Variants in ARHGAP39 observed in about 807,000 individuals in gnomAD.
The protein encoded by ARHGAP39 is rho GTPase-activating protein 39.
Under a neutral mutation model 106.9 loss-of-function variants are expected in ARHGAP39, and 44 were observed. That is an observed-to-expected ratio of 0.41 (90% CI 0.32 to 0.53). ARHGAP39 has a LOEUF of 0.53. Among genes scored for constraint, ARHGAP39 ranks in the 20% least tolerant of loss-of-function variants. ARHGAP39 has a pLI of 0.21. For synonymous variants in ARHGAP39, 768 were observed against 693.2 expected (o/e 1.11, Z -1.69); for missense variants, 1,496 against 1,577.3 (o/e 0.95, Z 0.87).
intron 2 of ARHGAP39, among the ~76,000 whole-genome samples, chr8:144,600,650 GGA>G (rs1819849245): frequency 6.7e-6 from 1 of 150,090 alleles, no homozygotes; most frequent in South Asian, 2.1e-4. Flanking sequence ...GCGTGTGCAT[GGA>G]GGTGTGCGTG....
intron 3 of ARHGAP39, among the ~76,000 whole-genome samples, chr8:144,566,478 T>C (rs1009785225): frequency 6.6e-6 from 1 of 151,456 alleles, no homozygotes; most frequent in African/African-American, 2.4e-5. Context: ...CAGTTTGAGA[T>C]TGGGAGGCAA....
chr8:144,595,597 C>T (rs990984429), intron 2 of ARHGAP39, among the ~76,000 whole-genome samples: 3 of 152,212 alleles, frequency 2.0e-5, no homozygotes, highest in Non-Finnish European at 2.9e-5. Flanking sequence ...GCTGGGCTCT[C>T]GCTGGGAAGG....
chr8:144,531,245 G>GTGGGGAGTGGGCTAGACATA (rs1816708896), intron 10 of ARHGAP39, among the ~76,000 whole-genome samples: 1 of 65,970 alleles, frequency 1.5e-5, no homozygotes, highest in African/African-American at 6.4e-5. Context: ...AAGGGCACAG[G>GTGGGGAGTGGGCTAGACATA]GCAGCGAGCA....
intron 1 of ARHGAP39, among the ~76,000 whole-genome samples, chr8:144,682,200 T>A (rs1423318572): frequency 5.1e-4 from 58 of 112,682 alleles, no homozygotes; most frequent in South Asian, 1.3e-3. Flanking sequence ...AGCCGAGATC[T>A]CGCCACTGCA....
chr8:144,656,496 G>A (rs1295589858), intron 1 of ARHGAP39, among the ~76,000 whole-genome samples: 1 of 151,968 alleles, frequency 6.6e-6, no homozygotes, highest in East Asian at 1.9e-4. Context: ...ACAAGTAAGG[G>A]ACAAATTCAA....
At chr8:144,668,940 G>A (rs1363958572) in intron 1 of ARHGAP39, among the ~76,000 whole-genome samples, 1 of 152,094 alleles carries the variant, frequency 6.6e-6, no homozygotes, top group East Asian at 1.9e-4. Context: ...CCATAATTAA[G>A]ACAGCGTGGC....
chr8:144,617,194 G>A (rs927792671), intron 1 of ARHGAP39, among the ~76,000 whole-genome samples: 4 of 151,328 alleles, frequency 2.6e-5, no homozygotes, highest in Non-Finnish European at 4.4e-5. Context: ...GCGACAGAGC[G>A]AGACTCTGTG....
intron 3 of ARHGAP39, among the ~76,000 whole-genome samples, chr8:144,561,401 A>G (rs1319928411): frequency 7.0e-6 from 1 of 143,550 alleles, no homozygotes; most frequent in Non-Finnish European, 1.5e-5. Context: ...AGTGGTGTCC[A>G]TCACACTCCA....
rs1472810378 is a variant in ARHGAP39, at chr8:144,586,981, G to A, written c.81-5704C>T. On this transcript the variant is annotated intron_variant, in intron 2 of 11. Transcript: ENST00000377307. The surrounding 1 kb of genome is among the most constrained non-coding windows in gnomAD (Gnocchi z 4.2). ...GTGGAGGTAACTGAATCATGGGGGTGGCCTCCCCCATCCTGTTCTCGTGAT... is the reference window on the plus strand; with the variant it reads ...GTGGAGGTAACTGAATCATGGGGGTAGCCTCCCCCATCCTGTTCTCGTGAT... 2.0e-5 allele frequency among the ~76,000 whole-genome samples: 3 copies of A among 152,136 alleles called. No individual in the cohort carries two copies. Among genetic ancestry groups the A allele is most frequent in the Non-Finnish European group, 2.9e-5 (2 of 68,016 alleles).
intron 1 of ARHGAP39, among the ~76,000 whole-genome samples, chr8:144,607,368 T>G: frequency 6.7e-6 from 1 of 150,148 alleles, no homozygotes; most frequent in African/African-American, 2.5e-5. Flanking sequence ...CCGGCCCGGG[T>G]GGTGACGGGG....
intron 1 of ARHGAP39, among the ~76,000 whole-genome samples, chr8:144,638,425 G>T (rs1057077668): frequency 1.3e-5 from 2 of 152,180 alleles, no homozygotes; most frequent in Non-Finnish European, 2.9e-5. Context: ...TTCAGCCAAC[G>T]GCTCTTCAAA....
intron 1 of ARHGAP39, among the ~76,000 whole-genome samples, chr8:144,608,201 A>T (rs1163086221): frequency 6.6e-6 from 1 of 151,474 alleles, no homozygotes; most frequent in Non-Finnish European, 1.5e-5. Context: ...AGAAGAAATG[A>T]AACTCAAATA....
At chr8:144,627,554 CA>C (rs386414277) in intron 1 of ARHGAP39, among the ~76,000 whole-genome samples, 2,197 of 103,742 alleles carry the variant, frequency 0.021, 22 homozygotes, top group South Asian at 0.052. Flanking sequence ...GACTCCATCT[CA>C]AAAAAAAAAA....
chr8:144,656,330 A>C (rs987091229), intron 1 of ARHGAP39, among the ~76,000 whole-genome samples: 6 of 152,298 alleles, frequency 3.9e-5, no homozygotes, highest in Middle Eastern at 3.4e-3. Flanking sequence ...CCATCTCTAC[A>C]AAATTTAAAA....
chr8:144,548,614 C>T lies in ARHGAP39; in HGVS notation c.597-125G>A, dbSNP rs369336457. On this transcript the variant is annotated intron_variant, in intron 4 of 11. Coordinates refer to ENST00000377307, the MANE Select transcript of ARHGAP39 (RefSeq NM_025251.3). The surrounding 1 kb of genome is among the most constrained non-coding windows in gnomAD (Gnocchi z 7.4). ...CTGTTGTACACCTTCCTCGCTGGGG[C>T]CCTGTGGCCTGGCGCCCCTCACACC... 80 of 1,326,174 alleles carry T rather than the reference C, an allele frequency of 6.0e-5. No homozygotes were observed. Among genetic ancestry groups the T allele is most frequent in the African/African-American group, 5.8e-4 (39 of 67,230 alleles). 82.2% of individuals were successfully genotyped at this position (1,326,174 alleles called of 1,614,324 possible).
chr8:144,551,869 C>T (rs1251110774), intron 4 of ARHGAP39, among the ~76,000 whole-genome samples: 3 of 152,232 alleles, frequency 2.0e-5, no homozygotes, highest in African/African-American at 7.2e-5. Flanking sequence ...AGTCCGGCCT[C>T]CCCGATGGGC....
At chr8:144,683,718 T>G (rs1822491335) in intron 1 of ARHGAP39, among the ~76,000 whole-genome samples, 1 of 152,102 alleles carries the variant, frequency 6.6e-6, no homozygotes, top group African/African-American at 2.4e-5. Flanking sequence ...TTGTCTCTCT[T>G]TTACCTTTAT....
the ARHGAP39 span, chr8:144,698,977 C>G: frequency 2.3e-6 from 1 of 428,332 alleles, no homozygotes; most frequent in Non-Finnish European, 4.7e-6. Flanking sequence ...GCCCCAGCCG[C>G]GTTTCTCTTT....
At chr8:144,537,840 C>T (rs201877215) in intron 6 of ARHGAP39, 27 bp from the exon 7 acceptor site, 26 of 1,607,730 alleles carry the variant, frequency 1.6e-5, no homozygotes, top group Middle Eastern at 1.6e-4. Flanking sequence ...ACCATCAGCA[C>T]GACAGAACAA....
Sources: allele counts gnomAD v4.1 joint callset (sites outside exome capture counted in the v4.1 genomes callset), GRCh38; gene constraint gnomAD v4.1.1; non-coding constraint Gnocchi (gnomAD v3.1); transcripts MANE v1.5; gene names NCBI Gene and HGNC (gene_info 2026-07-23, HGNC 2026-07-21).